BCKDHB: variants seen among roughly 807,000 people sequenced by gnomAD.
BCKDHB encodes branched chain keto acid dehydrogenase E1 subunit beta.
Under a neutral mutation model 48.5 loss-of-function variants are expected in BCKDHB, and 41 were observed. That is an observed-to-expected ratio of 0.85 (90% CI 0.66 to 1.10). The LOEUF (loss-of-function observed/expected upper bound fraction) is 1.10. BCKDHB is among the 50% of genes least tolerant of loss of function. The pLI is 0.00. For missense variants in BCKDHB, 496 were observed against 494.2 expected (o/e 1.00, Z -0.03); for synonymous variants, 201 against 174.8 (o/e 1.15, Z -1.18).
In BCKDHB at chr6:80,325,703, G is replaced by A. The variant is rs753103978; in HGVS notation, c.1039-17961G>A. Among the ~76,000 whole-genome samples the A allele has an allele frequency of 5.5e-4, 83 of 152,072 alleles. 1 individual carries two copies. The highest frequency in any genetic ancestry group is 3.8e-4 in the Non-Finnish European group (26 of 67,994). On this transcript the variant is annotated intron_variant, in intron 9 of 9. Transcript: ENST00000320393. ...GAGCAGAAAACCTGTTGCTAGTTTTGGAAGTTTAAATTGTCAAACTTCAAT... is the reference window on the plus strand; with the variant it reads ...GAGCAGAAAACCTGTTGCTAGTTTTAGAAGTTTAAATTGTCAAACTTCAAT...
In BCKDHB at chr6:80,346,118, T is replaced by C. The variant is rs1338974825; in HGVS notation, c.*2314T>C. 6.6e-6 allele frequency: 1 copy of C among 152,222 alleles called. No individual in the cohort carries two copies. The highest frequency in any genetic ancestry group is 1.5e-5 in the Non-Finnish European group (1 of 68,030). The allele number at this position is 152,222 out of a possible 1,614,324, so 9.4% of individuals were successfully genotyped here. ...GGCTGAAAAGTTCTACATTCTATTA[T>C]TGTATTGTAACACACATGTATTGAT... On this transcript the variant is annotated 3_prime_UTR_variant, in exon 10 of 10. Coordinates refer to ENST00000320393, the MANE Select transcript of BCKDHB (RefSeq NM_183050.4).
chr6:80,150,742 A>T (rs1771732991), intron 3 of BCKDHB, among the ~76,000 whole-genome samples: 1 of 151,810 alleles, frequency 6.6e-6, no homozygotes, highest in African/African-American at 2.4e-5. Flanking sequence ...TTTTTAGTAG[A>T]GATGGAGTTT....
the BCKDHB span, among the ~76,000 whole-genome samples, chr6:80,445,535 A>G: frequency 6.6e-6 from 1 of 152,168 alleles, no homozygotes; most frequent in Non-Finnish European, 1.5e-5. Flanking sequence ...ACTAATCACA[A>G]CTGTAAATAT....
the BCKDHB span, among the ~76,000 whole-genome samples, chr6:80,407,411 G>T: frequency 6.6e-6 from 1 of 152,140 alleles, no homozygotes; most frequent in Non-Finnish European, 1.5e-5. Flanking sequence ...TTGGTAGCTT[G>T]ATGGGGATGG....
At chr6:80,230,552 C>T (rs905905455) in intron 8 of BCKDHB, among the ~76,000 whole-genome samples, 2 of 152,058 alleles carry the variant, frequency 1.3e-5, no homozygotes, top group Non-Finnish European at 2.9e-5. Flanking sequence ...ATATTTTCAA[C>T]TTTGTGGGCT....
At chr6:80,456,076 G>A in the BCKDHB span, among the ~76,000 whole-genome samples, 1 of 151,990 alleles carries the variant, frequency 6.6e-6, no homozygotes, top group Admixed American at 6.6e-5. Flanking sequence ...TTAGTCTGGG[G>A]TGGTGATGGG....
intron 8 of BCKDHB, among the ~76,000 whole-genome samples, chr6:80,204,752 T>C (rs1377855980): frequency 6.6e-6 from 1 of 152,126 alleles, no homozygotes; most frequent in Non-Finnish European, 1.5e-5. Context: ...ATACTTCATT[T>C]TGGCAACCGT....
At chr6:80,423,664 A>G in the BCKDHB span, among the ~76,000 whole-genome samples, 1 of 152,194 alleles carries the variant, frequency 6.6e-6, no homozygotes, top group Admixed American at 6.5e-5. Flanking sequence ...TGTAGAATAT[A>G]TCTCTGCTCT....
At chr6:80,460,981 T>C in the BCKDHB span, among the ~76,000 whole-genome samples, 12 of 152,296 alleles carry the variant, frequency 7.9e-5, no homozygotes. Flanking sequence ...GACCAATCTC[T>C]TAATAGTTGG....
At chr6:80,163,152 A>C (rs1023598653) in intron 3 of BCKDHB, among the ~76,000 whole-genome samples, 2 of 151,980 alleles carry the variant, frequency 1.3e-5, no homozygotes, top group African/African-American at 4.8e-5. Flanking sequence ...TCCTGGGCTC[A>C]AGTGATTCTC....
intron 6 of BCKDHB, among the ~76,000 whole-genome samples, chr6:80,194,921 T>G (rs1774065164): frequency 6.6e-6 from 1 of 152,198 alleles, no homozygotes; most frequent in Non-Finnish European, 1.5e-5. Flanking sequence ...GCTTATGGCT[T>G]GAAAGTCTAT....
intron 8 of BCKDHB, among the ~76,000 whole-genome samples, chr6:80,262,029 G>A (rs777152623): frequency 2.0e-5 from 3 of 152,154 alleles, no homozygotes; most frequent in African/African-American, 7.2e-5. Context: ...AGGGTAGAGC[G>A]TGCAGTTCCC....
At chr6:80,454,452 G>A in the BCKDHB span, among the ~76,000 whole-genome samples, 2 of 152,106 alleles carry the variant, frequency 1.3e-5, no homozygotes, top group African/African-American at 2.4e-5. Context: ...GCTGGAAAGT[G>A]CTGCTGCTCA....
the BCKDHB span, among the ~76,000 whole-genome samples, chr6:80,418,957 T>C: frequency 1.3e-5 from 2 of 152,192 alleles, no homozygotes; most frequent in Non-Finnish European, 1.5e-5. Flanking sequence ...CAGGTGCAGG[T>C]CCGAGTGCCT....
chr6:80,244,373 T>C (rs1439046316), intron 8 of BCKDHB, among the ~76,000 whole-genome samples: 1 of 152,240 alleles, frequency 6.6e-6, no homozygotes, highest in Non-Finnish European at 1.5e-5. Context: ...TGTTAGAAAT[T>C]TAAGTTTCCT....
At chr6:80,397,751 G>A in the BCKDHB span, among the ~76,000 whole-genome samples, 4 of 151,992 alleles carry the variant, frequency 2.6e-5, no homozygotes, top group Admixed American at 2.0e-4. Context: ...GCATGGTGGC[G>A]TGTGCCTAGT....
At chr6:80,253,044 G>A (rs930048990) in intron 8 of BCKDHB, among the ~76,000 whole-genome samples, 1 of 152,138 alleles carries the variant, frequency 6.6e-6, no homozygotes, top group African/African-American at 2.4e-5. Flanking sequence ...TTAATTGTAA[G>A]CAACAGAAAT....
At chr6:80,289,402 G>T (rs755054895) in intron 9 of BCKDHB, among the ~76,000 whole-genome samples, 8 of 152,130 alleles carry the variant, frequency 5.3e-5, no homozygotes, top group Non-Finnish European at 1.0e-4. Flanking sequence ...AAGATCAAAG[G>T]AGACATAAGG....
At chr6:80,384,722 T>A in the BCKDHB span, among the ~76,000 whole-genome samples, 3 of 152,160 alleles carry the variant, frequency 2.0e-5, no homozygotes, top group Non-Finnish European at 4.4e-5. Context: ...CAGCCTATTG[T>A]GGGACCTTGT....
Sources: allele counts gnomAD v4.1 joint callset (sites outside exome capture counted in the v4.1 genomes callset), GRCh38; gene constraint gnomAD v4.1.1; transcripts MANE v1.5; gene names NCBI Gene and HGNC (gene_info 2026-07-23, HGNC 2026-07-21).